Variants in CASD1 observed in about 807,000 individuals in gnomAD.
The protein encoded by CASD1 is CAS1 domain sialic acid O acetyltransferase 1.
A neutral mutation model predicts 100.0 loss-of-function variants in CASD1; 41 were observed. That is an observed-to-expected ratio of 0.41 (90% CI 0.32 to 0.53). The LOEUF (loss-of-function observed/expected upper bound fraction) is 0.53. Among genes scored for constraint, CASD1 ranks in the 20% least tolerant of loss-of-function variants. CASD1 has a pLI of 0.25. For missense variants in CASD1, 774 were observed against 948.7 expected (o/e 0.82, Z 2.42); for synonymous variants, 321 against 315.6 (o/e 1.02, Z -0.18).
chr7:94,534,130 T>TA (rs1396774440), intron 7 of CASD1, among the ~76,000 whole-genome samples: 1 of 150,112 alleles, frequency 6.7e-6, no homozygotes, highest in Non-Finnish European at 1.5e-5. Flanking sequence ...GATTGGGAAA[T>TA]ATATACAAAA....
At chr7:94,576,252 G>T in the CASD1 span, among the ~76,000 whole-genome samples, 1 of 152,114 alleles carries the variant, frequency 6.6e-6, no homozygotes, top group African/African-American at 2.4e-5. Flanking sequence ...TCTGCTGCCT[G>T]CTCAAATCTG....
chr7:94,599,587 T>C, the CASD1 span: 1 of 870,036 alleles, frequency 1.1e-6, no homozygotes, highest in South Asian at 1.4e-5. Flanking sequence ...TGAAATAAAC[T>C]ATGAAAGATG....
the CASD1 span, among the ~76,000 whole-genome samples, chr7:94,615,648 T>G: frequency 4.6e-5 from 7 of 152,168 alleles, no homozygotes; most frequent in South Asian, 1.5e-3. Context: ...GATTCTCTGT[T>G]GTTGATTGAA....
chr7:94,510,243 G>A, intron 1 of CASD1, 26 bp downstream of exon 1: 1 of 1,442,792 alleles, frequency 6.9e-7, no homozygotes, highest in Non-Finnish European at 9.2e-7. Flanking sequence ...CCTCTGCCCG[G>A]GCAGGCCGTG....
the CASD1 span, among the ~76,000 whole-genome samples, chr7:94,596,008 A>G: frequency 6.6e-6 from 1 of 152,274 alleles, no homozygotes; most frequent in East Asian, 1.9e-4. Flanking sequence ...TACCCTATTT[A>G]TATAGAAGTG....
At chr7:94,601,328 T>C in the CASD1 span, among the ~76,000 whole-genome samples, 1 of 151,518 alleles carries the variant, frequency 6.6e-6, no homozygotes, top group African/African-American at 2.4e-5. Flanking sequence ...AGGGACAATT[T>C]CCAAACGTGT....
At chr7:94,594,651 A>G in the CASD1 span, 1 of 152,118 alleles carries the variant, frequency 6.6e-6, no homozygotes, top group African/African-American at 2.4e-5. Flanking sequence ...ATTGTGACAA[A>G]TGTACCATGG....
chr7:94,523,925 C>G (rs965482277), intron 3 of CASD1, among the ~76,000 whole-genome samples: 1 of 151,926 alleles, frequency 6.6e-6, no homozygotes, highest in African/African-American at 2.4e-5. Flanking sequence ...AACAGAAATG[C>G]CATTGATGAT....
chr7:94,576,768 T>C, the CASD1 span, among the ~76,000 whole-genome samples: 1 of 152,234 alleles, frequency 6.6e-6, no homozygotes, highest in Admixed American at 6.5e-5. Context: ...AAGTTTGAAC[T>C]TGATTTCTCC....
At chr7:94,534,520 A>C (rs542204023) in intron 7 of CASD1, among the ~76,000 whole-genome samples, 2 of 152,348 alleles carry the variant, frequency 1.3e-5, no homozygotes, top group South Asian at 4.1e-4. Flanking sequence ...TTGAATTGAC[A>C]GAATATGTTT....
the CASD1 span, among the ~76,000 whole-genome samples, chr7:94,602,768 A>G: frequency 2.6e-5 from 4 of 152,148 alleles, no homozygotes; most frequent in Non-Finnish European, 5.9e-5. Flanking sequence ...TGTGATTTGG[A>G]AAGAAATATT....
chr7:94,598,667 C>T, the CASD1 span: 3 of 836,298 alleles, frequency 3.6e-6, no homozygotes, highest in Non-Finnish European at 6.3e-6. Flanking sequence ...GTTATTTTCT[C>T]TTCCAGTTAT....
rs1352486026 is a variant in CASD1, at chr7:94,509,827, G to T, written c.-258G>T. ...AGGGGAGGAGACAGGCGTCCAGGGC[G>T]CCTGGGGAACCGGCACGGCGGAGCA... On this transcript the variant is annotated 5_prime_UTR_variant, in exon 1 of 18. Transcript: ENST00000297273. 1.0e-6 allele frequency: 1 copy of T among 1,000,010 alleles called. No individual in the cohort carries two copies. Among genetic ancestry groups the T allele is most frequent in the South Asian group, 4.7e-5 (1 of 21,458 alleles). 61.9% of individuals were successfully genotyped at this position (1,000,010 alleles called of 1,614,324 possible). A position where few individuals can be genotyped will look rare whatever the true frequency, so the allele number is the denominator to read the frequency against.
the CASD1 span, chr7:94,628,376 G>T: frequency 5.7e-6 from 9 of 1,578,976 alleles, no homozygotes; most frequent in Non-Finnish European, 7.0e-6. Flanking sequence ...AAGAAACAGA[G>T]AATTAAGACA....
intron 3 of CASD1, among the ~76,000 whole-genome samples, chr7:94,518,692 T>TA (rs1357016260): frequency 6.6e-6 from 1 of 152,104 alleles, no homozygotes; most frequent in Non-Finnish European, 1.5e-5. Context: ...TAAAAAAACA[T>TA]ACTAGTAATC....
At chr7:94,620,842 T>C in the CASD1 span, 1 of 152,234 alleles carries the variant, frequency 6.6e-6, no homozygotes, top group Non-Finnish European at 1.5e-5. Flanking sequence ...CTGCCTGCTA[T>C]CTACCCATCC....
chr7:94,554,666 G>GTATA, intron 17 of CASD1, 91 bp downstream of exon 17: 1 of 726,258 alleles, frequency 1.4e-6, no homozygotes, highest in East Asian at 2.6e-5. Context: ...ACACATATAT[G>GTATA]TGAGTATGAA....
intron 1 of CASD1, among the ~76,000 whole-genome samples, chr7:94,517,131 C>T (rs1184326655): frequency 6.6e-6 from 1 of 152,042 alleles, no homozygotes; most frequent in Admixed American, 6.6e-5. Flanking sequence ...CTCAAACACT[C>T]GACCTCGAGT....
the CASD1 span, among the ~76,000 whole-genome samples, chr7:94,574,222 T>C: frequency 6.6e-6 from 1 of 152,178 alleles, no homozygotes; most frequent in African/African-American, 2.4e-5. Context: ...GGTTTTGGTA[T>C]CAGGATTATG....
Sources: allele counts gnomAD v4.1 joint callset (sites outside exome capture counted in the v4.1 genomes callset), GRCh38; gene constraint gnomAD v4.1.1; transcripts MANE v1.5; gene names NCBI Gene and HGNC (gene_info 2026-07-23, HGNC 2026-07-21).